EPSTI1: variants seen among roughly 807,000 people sequenced by gnomAD.
EPSTI1 encodes the protein epithelial-stromal interaction protein 1.
EPSTI1 carries 66 observed loss-of-function variants against 49.9 expected under a neutral mutation model. The ratio of observed to expected loss-of-function variants is 1.32; its 90% CI spans 1.08 to 1.62. EPSTI1 has a LOEUF of 1.62. EPSTI1 is among the 40% of genes most tolerant of loss of function. EPSTI1 has a pLI of 0.00. For missense variants in EPSTI1, 394 were observed against 365.5 expected (o/e 1.08, Z -0.64); for synonymous variants, 137 against 130.7 (o/e 1.05, Z -0.33).
chr13:42,962,147 C>G (rs2039470120), intron 5 of EPSTI1, among the ~76,000 whole-genome samples: 1 of 152,200 alleles, frequency 6.6e-6, no homozygotes, highest in South Asian at 2.1e-4. Flanking sequence ...AGAGAAATCA[C>G]ATCTGTGGAA....
At chr13:42,990,129 A>C (rs2153437509) in intron 1 of EPSTI1, among the ~76,000 whole-genome samples, 1 of 151,972 alleles carries the variant, frequency 6.6e-6, no homozygotes, top group African/African-American at 2.4e-5. Context: ...CAAACCCCTA[A>C]AAGGGAATAT....
In EPSTI1 at chr13:42,922,245, G is replaced by GC. The variant is rs1175581232; in HGVS notation, c.657+4090dup. Among the ~76,000 whole-genome samples the GC allele has an allele frequency of 6.6e-6, 1 of 152,194 alleles. No homozygotes were observed. The highest frequency in any genetic ancestry group is 1.5e-5 in the Non-Finnish European group (1 of 68,032). ...GAAACAGGTGGTGGGTTGCATAATG[G>GC]CCCCCCAAAGACGTCCCAATCCCTG... On this transcript the variant is annotated intron_variant, in intron 7 of 10. Coordinates refer to ENST00000313624, the MANE Select transcript of EPSTI1 (RefSeq NM_033255.5). The surrounding 1 kb of genome is among the most constrained non-coding windows in gnomAD (Gnocchi z 4.8).
chr13:42,958,585 C>A (rs1354365717), intron 5 of EPSTI1, among the ~76,000 whole-genome samples: 1 of 152,078 alleles, frequency 6.6e-6, no homozygotes, highest in African/African-American at 2.4e-5. Context: ...AGGAAAAGGA[C>A]TTTCTGATTC....
chr13:42,903,210 ATG>A (rs1404197171), intron 8 of EPSTI1, among the ~76,000 whole-genome samples: 2 of 46,158 alleles, frequency 4.3e-5, no homozygotes, highest in Non-Finnish European at 1.1e-4. Flanking sequence ...ATACTATGAC[ATG>A]TTACTTTAAA....
intron 6 of EPSTI1, among the ~76,000 whole-genome samples, chr13:42,932,623 T>TA (rs112618216): frequency 0.22 from 30,709 of 137,904 alleles, 3,808 homozygotes; most frequent in African/African-American, 0.37. Context: ...AACATCCAGG[T>TA]AAAAAAAAAA....
intron 7 of EPSTI1, among the ~76,000 whole-genome samples, chr13:42,925,480 GC>G (rs1355075400): frequency 5.3e-5 from 8 of 152,116 alleles, no homozygotes; most frequent in Non-Finnish European, 1.0e-4. Flanking sequence ...TGTCTGGGTG[GC>G]GCTACTGGCC....
intron 5 of EPSTI1, among the ~76,000 whole-genome samples, chr13:42,958,805 G>A (rs1594727949): frequency 6.6e-6 from 1 of 151,660 alleles, no homozygotes; most frequent in Non-Finnish European, 1.5e-5. Context: ...AAAAAATGCT[G>A]GGCATTGGGC....
intron 1 of EPSTI1, among the ~76,000 whole-genome samples, chr13:42,982,892 T>C (rs538824901): frequency 1.3e-5 from 2 of 152,156 alleles, no homozygotes; most frequent in Non-Finnish European, 2.9e-5. Context: ...AGTGGAGACA[T>C]AGAGACACAA....
intron 5 of EPSTI1, among the ~76,000 whole-genome samples, chr13:42,962,159 A>T (rs2039470598): frequency 6.6e-6 from 1 of 152,228 alleles, no homozygotes; most frequent in Non-Finnish European, 1.5e-5. Flanking sequence ...TCTGTGGAAG[A>T]ACAAGGATGG....
chr13:42,916,463 A>G (rs1349153816), intron 8 of EPSTI1, among the ~76,000 whole-genome samples: 1 of 152,210 alleles, frequency 6.6e-6, no homozygotes, highest in African/African-American at 2.4e-5. Context: ...AAGGGGTTCC[A>G]CACTGTTGGG....
At chr13:42,983,097 T>G (rs544746765) in intron 1 of EPSTI1, among the ~76,000 whole-genome samples, 1 of 152,350 alleles carries the variant, frequency 6.6e-6, no homozygotes, top group East Asian at 1.9e-4. Context: ...GTTAAATGAA[T>G]GGGTATGCTT....
intron 1 of EPSTI1, among the ~76,000 whole-genome samples, chr13:42,986,540 C>T (rs1176003668): frequency 2.0e-5 from 3 of 151,968 alleles, no homozygotes; most frequent in Non-Finnish European, 4.4e-5. Context: ...GTCAGGAGTT[C>T]GAGACCAGCC....
intron 7 of EPSTI1, among the ~76,000 whole-genome samples, chr13:42,918,287 T>C (rs2037895994): frequency 6.6e-6 from 1 of 152,244 alleles, no homozygotes; most frequent in Non-Finnish European, 1.5e-5. Context: ...CCTGGCATAG[T>C]GACCATGTGT....
chr13:42,947,887 C>T (rs1211431669), intron 6 of EPSTI1, among the ~76,000 whole-genome samples: 5 of 152,244 alleles, frequency 3.3e-5, no homozygotes. Context: ...CAGGGCTCTG[C>T]TCACCTTCTG....
rs768409631 is a variant in EPSTI1, at chr13:42,922,776, C to G, written c.657+3560G>C. 3.7e-4 allele frequency among the ~76,000 whole-genome samples: 56 copies of G among 152,156 alleles called. 1 individual carries two copies. The highest frequency in any genetic ancestry group is 5.2e-4 in the Admixed American group (8 of 15,280). On this transcript the variant is annotated intron_variant, in intron 7 of 10. Transcript: ENST00000313624. This position sits in a 1 kb window ranked among gnomAD's most constrained non-coding sequence, Gnocchi z 4.8. The stretch of plus-strand genomic sequence containing the variant: ...CGTAGATAAAAATTACAATAATCAA[C>G]CTGCACTGAGTGCTCACAGTAGTGT...
intron 1 of EPSTI1, among the ~76,000 whole-genome samples, chr13:42,973,664 G>A (rs1206215142): frequency 1.3e-5 from 2 of 152,174 alleles, no homozygotes; most frequent in East Asian, 1.9e-4. Flanking sequence ...GACATGAAGA[G>A]CAAGTATAAT....
intron 9 of EPSTI1, among the ~76,000 whole-genome samples, chr13:42,899,782 T>C (rs551600440): frequency 1.3e-5 from 2 of 152,338 alleles, no homozygotes; most frequent in South Asian, 4.1e-4. Context: ...TAGGTATTCT[T>C]AAGTCTGATA....
At chr13:42,967,713 A>G (rs565913656) in intron 3 of EPSTI1, among the ~76,000 whole-genome samples, 3 of 152,242 alleles carry the variant, frequency 2.0e-5, no homozygotes, top group African/African-American at 7.2e-5. Flanking sequence ...AGAGTGGGGG[A>G]TGCTGAAAAA....
At chr13:42,923,080 C>T (rs946332722) in intron 7 of EPSTI1, among the ~76,000 whole-genome samples, 3 of 152,128 alleles carry the variant, frequency 2.0e-5, no homozygotes, top group Non-Finnish European at 4.4e-5. Context: ...TAGAAAGGGG[C>T]CATTCTAAAG....
Sources: gnomAD v4.1 joint callset for allele counts (sites outside exome capture counted in the v4.1 genomes callset) on GRCh38, gnomAD v4.1.1 for gene constraint, Gnocchi (gnomAD v3.1) non-coding constraint, MANE v1.5 for transcripts, NCBI Gene and HGNC (gene_info 2026-07-23, HGNC 2026-07-21) for gene names.